SBNO2: variants seen among roughly 807,000 people sequenced by gnomAD.
The protein encoded by SBNO2 is protein strawberry notch homolog 2.
SBNO2 carries 89 observed loss-of-function variants against 146.3 expected under a neutral mutation model. The ratio of observed to expected loss-of-function variants is 0.61; its 90% CI spans 0.51 to 0.73. The LOEUF is 0.73. Ranked by LOEUF, SBNO2 falls within the 30% of genes least tolerant of loss-of-function variation. The pLI is 0.00. For missense variants in SBNO2, 2,092 were observed against 2,003.7 expected, an observed-to-expected ratio of 1.04 and a Z score of -0.84; for synonymous variants, 1,147 against 892.6, an observed-to-expected ratio of 1.29 and a Z score of -5.08.
chr19:1,127,725 A>G lies in SBNO2; in HGVS notation c.320T>C (p.Phe107Ser). ...YFEDFSNISI[F>S]SSSVDSLSDI... is the part of the protein sequence containing the mutation. Reference sequence around the variant, plus strand: ...CGACAGGGAGTCCACGGACGAGGAGAAGATGGAGATGTTGGAGAAGTCCTC... The same window carrying G: ...CGACAGGGAGTCCACGGACGAGGAGGAGATGGAGATGTTGGAGAAGTCCTC... The change falls in exon 5 of 32, where the codon TTC becomes TCC. Residue 107 changes from phenylalanine (F) to serine (S), a missense_variant. Transcript: ENST00000361757. The G allele has an allele frequency of 6.2e-7, 1 of 1,613,538 alleles. No homozygotes were observed. The highest frequency in any genetic ancestry group is 8.5e-7 in the Non-Finnish European group (1 of 1,179,842).
rs1342345824 is a variant in SBNO2, at chr19:1,119,025, G to C, written c.1513C>G (p.Arg505Gly). ...CGCAGGCTCACCAGCAGGGCCGCGC[G>C]GTTGTAGACGCACTCGAAGGCTGGG... Reference protein sequence around the residue: ...LAPAFECVYNRAALLWAEALN... With the variant: ...LAPAFECVYNGAALLWAEALN... Residue 505 changes from arginine to glycine, a missense_variant, in exon 14 of 32, where the codon CGC (arginine) becomes GGC (glycine). By Grantham distance (125) the Arg-to-Gly change is moderately radical. Coordinates refer to ENST00000361757, the MANE Select transcript of SBNO2 (RefSeq NM_014963.3). The C allele has an allele frequency of 6.3e-7, 1 of 1,598,278 alleles. No individual in the cohort carries two copies.
In SBNO2 at chr19:1,116,028, C is replaced by A. The variant is rs2145204834; in HGVS notation, c.1878G>T (p.Lys626Asn). 3 of 1,609,798 alleles carry A rather than the reference C, an allele frequency of 1.9e-6. No homozygotes were observed. Among genetic ancestry groups the A allele is most frequent in the Middle Eastern group, 3.8e-4 (2 of 5,270 alleles). ...KRKRDRGAGS[K>N]RKRRPRGRGA... The stretch of plus-strand genomic sequence containing the variant: ...ATGGGGGGCAGGGCTTACGTTTCCG[C>A]TTGCTGCCCGCTCCTCTGTCCCGCT... Residue 626 changes from lysine (K) to asparagine (N), a missense_variant, in exon 17 of 32, where the codon AAG becomes AAT. Coordinates refer to ENST00000361757, the MANE Select transcript of SBNO2 (RefSeq NM_014963.3).
chr19:1,167,417 G>C (rs952646666), intron 1 of SBNO2, among the ~76,000 whole-genome samples: 39 of 152,218 alleles, frequency 2.6e-4, no homozygotes, highest in South Asian at 4.1e-4. Context: ...CCCTGGTCTG[G>C]GTTCTCCGGG....
chr19:1,136,672 C>T lies in SBNO2; in HGVS notation c.280-8907G>A, dbSNP rs189565504. ...CCCTCATCTCTCTCCCTCTTTTTTG[C>T]CCAATGCCAGTAACTGTGGGGGCTC... On this transcript the variant is annotated intron_variant, in intron 4 of 31. Coordinates refer to ENST00000361757, the MANE Select transcript of SBNO2 (RefSeq NM_014963.3). This position sits in a 1 kb window ranked among gnomAD's most constrained non-coding sequence, Gnocchi z 4.2. 7.0e-4 allele frequency among the ~76,000 whole-genome samples: 107 copies of T among 152,294 alleles called. 1 individual carries two copies. The highest frequency in any genetic ancestry group is 2.4e-3 in the African/African-American group (98 of 41,568).
rs758748563 is a variant in SBNO2, at chr19:1,111,079, G to A, written c.2824C>T (p.Leu942=). Residue 942 remains leucine (L), a synonymous_variant, in exon 25 of 32, where the codon CTG becomes TTG. Coordinates refer to ENST00000361757, the MANE Select transcript of SBNO2 (RefSeq NM_014963.3). ...PTFFRDMKQG[L]LSVGIGGRES... ...CGGCCACCAATGCCCACAGACAGCA[G>A]GCCCTGCTTCATGTCTGCGGGGAGA... 21 of 1,555,674 alleles carry A rather than the reference G, an allele frequency of 1.3e-5. No homozygotes were observed. The highest frequency in any genetic ancestry group is 1.8e-5 in the Non-Finnish European group (21 of 1,151,390).
Position 1,147,344 on chromosome 19 carries a change from AGGCGGT to A in SBNO2, c.238_243del (p.Thr80_Ala81del), listed in dbSNP as rs1479272568. The A allele has an allele frequency of 3.3e-6, 5 of 1,521,416 alleles. No individual in the cohort carries two copies. The highest frequency in any genetic ancestry group is 4.4e-6 in the Non-Finnish European group (5 of 1,136,054). The allele number at this position is 1,521,416 out of a possible 1,614,324, so 94.2% of individuals were successfully genotyped here. A position where few individuals can be genotyped will look rare whatever the true frequency, so the allele number is the denominator to read the frequency against. ...TCGCAGGTCTTTGGTGGCAAGCTGGAGGCGGTGGCCACGGGGGCATAGCTGGTGTCT... is the reference window on the plus strand; with the variant it reads ...TCGCAGGTCTTTGGTGGCAAGCTGGAGGCCACGGGGGCATAGCTGGTGTCT... On this transcript the variant is annotated inframe_deletion, in exon 4 of 32. Transcript: ENST00000361757.
At position 1,150,634 on chromosome 19, in the gene SBNO2, T is replaced by C. The variant is rs2080234058; in HGVS notation, c.94-1192A>G. On this transcript the variant is annotated intron_variant, in intron 2 of 31. Transcript: ENST00000361757. This position sits in a 1 kb window ranked among gnomAD's most constrained non-coding sequence, Gnocchi z 6.2. ...ATCCCAGCAGGACTGGGGGCCACGC[T>C]GGCTTCCAGAACAGGGTTGGGGGTT... is the stretch of plus-strand genomic sequence containing the variant. 6.6e-6 allele frequency among the ~76,000 whole-genome samples: 1 copy of C among 152,100 alleles called. No homozygotes were observed. The highest frequency in any genetic ancestry group is 1.5e-5 in the Non-Finnish European group (1 of 67,996).
chr19:1,113,307 T>C (rs974349591), intron 19 of SBNO2, among the ~76,000 whole-genome samples: 1 of 151,988 alleles, frequency 6.6e-6, no homozygotes, highest in Non-Finnish European at 1.5e-5. Flanking sequence ...GGCTGGGGGA[T>C]CTGGGGCTTA....
chr19:1,154,476 C>T (rs1330893607), intron 1 of SBNO2, 74 bp from the exon 2 acceptor site: 3 of 382,470 alleles, frequency 7.8e-6, no homozygotes, highest in Admixed American at 4.5e-5. Context: ...GCCTCTCCCT[C>T]GGGCATGACC....
intron 4 of SBNO2, among the ~76,000 whole-genome samples, chr19:1,146,873 G>A (rs1386456439): frequency 6.6e-6 from 1 of 152,096 alleles, no homozygotes; most frequent in Non-Finnish European, 1.5e-5. Context: ...ACCCTGGGGA[G>A]AAGGAGGTGG....
At position 1,116,204 on chromosome 19, in the gene SBNO2, C is replaced by T. The variant is rs892293000; in HGVS notation, c.1803-101G>A. The T allele has an allele frequency of 8.0e-5, 83 of 1,035,468 alleles. No individual in the cohort carries two copies. The Middle Eastern group carries it at 1.2e-3, about 15-fold the overall frequency. The allele number at this position is 1,035,468 out of a possible 1,614,324, so 64.1% of individuals were successfully genotyped here. A position where few individuals can be genotyped will look rare whatever the true frequency, so the allele number is the denominator to read the frequency against. ...CACCCCTGGGTCCCTGTGGGGGTCCCGGACAGGACCGGGCCTGGGCAGAGG... is the reference window on the plus strand; with the variant it reads ...CACCCCTGGGTCCCTGTGGGGGTCCTGGACAGGACCGGGCCTGGGCAGAGG... On this transcript the variant is annotated intron_variant, in intron 16 of 31. Transcript: ENST00000361757.
chr19:1,134,406 G>A (rs997458207), intron 4 of SBNO2, among the ~76,000 whole-genome samples: 1 of 152,132 alleles, frequency 6.6e-6, no homozygotes, highest in African/African-American at 2.4e-5. Context: ...CAGTCACCAC[G>A]GAGGAACAGG....
In SBNO2 at chr19:1,127,760, G is replaced by A. The variant is rs755541480; in HGVS notation, c.285C>T (p.Ser95=). Residue 95 remains serine, a synonymous_variant, in exon 5 of 32, where the codon TCC becomes TCT. Coordinates refer to ENST00000361757, the MANE Select transcript of SBNO2 (RefSeq NM_014963.3). ...PPKTCDFAQD[S]SYFEDFSNIS... ...TGTTGGAGAAGTCCTCAAAATAGGA[G>A]GAGTCCTGGAAGACAAGGCCAGGCC... 7.4e-6 allele frequency: 12 copies of A among 1,613,114 alleles called. No individual in the cohort carries two copies. The Admixed American group carries it at 1.2e-4, about 16-fold the overall frequency.
chr19:1,171,765 G>C (rs1253472668), intron 1 of SBNO2, among the ~76,000 whole-genome samples: 1 of 148,260 alleles, frequency 6.7e-6, no homozygotes, highest in Admixed American at 6.6e-5. Context: ...CAGCAAGTGG[G>C]TGGGGGGTCT....
chr19:1,153,975 A>G (rs2080265322), intron 2 of SBNO2, among the ~76,000 whole-genome samples: 1 of 152,224 alleles, frequency 6.6e-6, no homozygotes, highest in South Asian at 2.1e-4. Flanking sequence ...AGCTGGGGCC[A>G]TGAGTAGCCT....
In SBNO2 at chr19:1,146,088, G is replaced by A. The variant is rs569908752; in HGVS notation, c.279+1221C>T. On this transcript the variant is annotated intron_variant, in intron 4 of 31. Transcript: ENST00000361757. Reference sequence around the variant, plus strand: ...CCGCCCCAGCCCCGGCCTCCAGCGTGGCGCCAGCTCCCAATCTCTCCTGTC... The same window carrying A: ...CCGCCCCAGCCCCGGCCTCCAGCGTAGCGCCAGCTCCCAATCTCTCCTGTC... Among the ~76,000 whole-genome samples, 4 of 152,266 alleles carry A rather than the reference G, an allele frequency of 2.6e-5. No homozygotes were observed. In the East Asian group the frequency reaches 7.7e-4, roughly 29 times the overall value.
chr19:1,120,576 T>G (rs1489614042), intron 11 of SBNO2, among the ~76,000 whole-genome samples: 1 of 152,044 alleles, frequency 6.6e-6, no homozygotes, highest in East Asian at 1.9e-4. Flanking sequence ...GCCGTTTGGT[T>G]GGCCAGATAA....
chr19:1,162,114 C>A (rs2080353204), intron 1 of SBNO2, among the ~76,000 whole-genome samples: 1 of 150,454 alleles, frequency 6.6e-6, no homozygotes. Context: ...CCACTCCACA[C>A]CCTAGACGGG....
At chr19:1,123,177 G>C (rs55688536) in intron 7 of SBNO2, 132 bp from the exon 8 acceptor site, 1 of 1,044,030 alleles carries the variant, frequency 9.6e-7, no homozygotes, top group Admixed American at 2.1e-5. Flanking sequence ...GCCAGGTCCC[G>C]TTGGGCGGGT....
Sources: gnomAD v4.1 joint callset for allele counts (sites outside exome capture counted in the v4.1 genomes callset) on GRCh38, gnomAD v4.1.1 for gene constraint, Gnocchi (gnomAD v3.1) non-coding constraint, MANE v1.5 for transcripts, NCBI Gene and HGNC (gene_info 2026-07-23, HGNC 2026-07-21) for gene names.